HMG20B: variants seen among roughly 807,000 people sequenced by gnomAD.
HMG20B encodes the protein high mobility group 20B, also known as SWI/SNF-related matrix-associated actin-dependent regulator of chromatin subfamily E member 1-related.
Under a neutral mutation model 41.6 loss-of-function variants are expected in HMG20B, and 24 were observed. The observed-to-expected ratio is 0.58, with a 90% CI of 0.42 to 0.81. HMG20B has a LOEUF of 0.81. Among genes scored for constraint, HMG20B ranks in the 30% least tolerant of loss-of-function variants. The pLI is 0.00. For missense variants in HMG20B, 461 were observed against 444.0 expected (o/e 1.04, Z -0.34); for synonymous variants, 251 against 186.6 (o/e 1.34, Z -2.81).
intron 3 of HMG20B, 74 bp from the exon 4 acceptor site, chr19:3,574,309 C>A: frequency 2.6e-6 from 2 of 767,814 alleles, no homozygotes; most frequent in Non-Finnish European, 4.0e-6. Context: ...ACGCGTTAGG[C>A]CCCGCCCATG....
chr19:3,576,062 A>G (rs1280786110), intron 5 of HMG20B, 199 bp from the exon 6 acceptor site: 2 of 606,414 alleles, frequency 3.3e-6, no homozygotes, highest in Non-Finnish European at 5.9e-6. Flanking sequence ...CGTGGGGCAC[A>G]GTCCCGTGGG....
chr19:3,578,466 A>T lies in HMG20B; in HGVS notation c.942-43A>T, dbSNP rs1306330566. The T allele has an allele frequency of 4.0e-6, 6 of 1,492,648 alleles. No homozygotes were observed. In the African/African-American group the frequency reaches 7.0e-5, roughly 18 times the overall value. 92.5% of individuals were successfully genotyped at this position (1,492,648 alleles called of 1,614,324 possible). A position where few individuals can be genotyped will look rare whatever the true frequency, so the allele number is the denominator to read the frequency against. On this transcript the variant is annotated intron_variant, in intron 9 of 9. Transcript: ENST00000333651. ...TCCCCAGGGCCGGGGTGGGGGCCAG[A>T]GATGATGAGGGCCTCATCCCGGGCC...
At chr19:3,574,715 CTT>C (rs142748294) in intron 4 of HMG20B, 129 bp downstream of exon 4, 95,008 of 562,068 alleles carry the variant, frequency 0.17, 5,972 homozygotes, top group South Asian at 0.3. Context: ...CCATAACCAA[CTT>C]TTTTTTTTTT....
chr19:3,573,812 T>C lies in HMG20B; in HGVS notation c.147+12T>C. 1 of 1,587,010 alleles carries C rather than the reference T, an allele frequency of 6.3e-7. No homozygotes were observed. The highest frequency in any genetic ancestry group is 2.3e-5 in the East Asian group (1 of 43,858). On this transcript the variant is annotated intron_variant, in intron 3 of 9. Transcript: ENST00000333651. ...CCCACGAGGAGGAGGTGAGAGTCCC[T>C]GCGCTGAGCTGGGGGAGGCCCCGGG...
Position 3,576,628 on chromosome 19 carries a change from G to C in HMG20B, c.592+3G>C. 6.2e-7 allele frequency: 1 copy of C among 1,611,976 alleles called. No individual in the cohort carries two copies. The highest frequency in any genetic ancestry group is 8.5e-7 in the Non-Finnish European group (1 of 1,178,670). On this transcript the variant is annotated splice_donor_region_variant and intron_variant, in intron 7 of 9. Coordinates refer to ENST00000333651, the MANE Select transcript of HMG20B (RefSeq NM_006339.3). ...AGAGTTCTTGGACCAAAACAAAGGT[G>C]AGCGGTAACTGCGCTCCTGATGCGA...
In HMG20B at chr19:3,577,035, C is replaced by G. The variant is rs2032177754; in HGVS notation, c.736C>G (p.Leu246Val). Reference sequence around the variant, plus strand: ...GCTGGCGCTGGAGGAGCGGAGGACGCTGGCGCTGCAGCAGCAGCTCCAGGC... The same window carrying G: ...GCTGGCGCTGGAGGAGCGGAGGACGGTGGCGCTGCAGCAGCAGCTCCAGGC... Reference protein sequence around the residue: ...QELALEERRTLALQQQLQAVR... With the variant: ...QELALEERRTVALQQQLQAVR... Residue 246 changes from leucine to valine, a missense_variant, in exon 8 of 10, where the codon CTG (leucine) becomes GTG (valine). Leu to Val is a conservative substitution (Grantham distance 32). This residue lies in a region of HMG20B where 308 missense variants were observed against 283.4 expected (regional missense o/e 1.09). Transcript: ENST00000333651. 1 of 1,549,716 alleles carries G rather than the reference C, an allele frequency of 6.5e-7. No homozygotes were observed. The highest frequency in any genetic ancestry group is 8.7e-7 in the Non-Finnish European group (1 of 1,147,826).
At position 3,578,682 on chromosome 19, in the gene HMG20B, T is replaced by C; in HGVS notation, c.*161T>C. ...AAAATTAAATTTCTGCAGCATCCCT[T>C]TAGCTTTCAATCTCCCCAGCCCCCT... is the stretch of plus-strand genomic sequence containing the variant. On this transcript the variant is annotated 3_prime_UTR_variant, in exon 10 of 10. Coordinates refer to ENST00000333651, the MANE Select transcript of HMG20B (RefSeq NM_006339.3). The C allele has an allele frequency of 1.0e-6, 1 of 953,718 alleles. No individual in the cohort carries two copies. Among genetic ancestry groups the C allele is most frequent in the Middle Eastern group, 2.0e-4 (1 of 4,888 alleles). 59.1% of individuals were successfully genotyped at this position (953,718 alleles called of 1,614,324 possible).
At chr19:3,576,815 G>C (rs1262715398) in intron 7 of HMG20B, 77 bp from the exon 8 acceptor site, 3 of 1,485,164 alleles carry the variant, frequency 2.0e-6, no homozygotes, top group Non-Finnish European at 2.7e-6. Context: ...AACCTGGGCA[G>C]GGGCACGTCC....
At chr19:3,576,681 G>C in intron 7 of HMG20B, 56 bp downstream of exon 7, 1 of 1,516,646 alleles carries the variant, frequency 6.6e-7, no homozygotes, top group East Asian at 2.3e-5. Context: ...GGTAGAGGGG[G>C]GCGTGGGCCA....
chr19:3,574,496 G>T lies in HMG20B; in HGVS notation c.261G>T (p.Gln87His). 1 of 1,607,432 alleles carries T rather than the reference G, an allele frequency of 6.2e-7. No individual in the cohort carries two copies. Among genetic ancestry groups the T allele is most frequent in the Non-Finnish European group, 8.5e-7 (1 of 1,177,878 alleles). The part of the protein sequence containing the change: ...YVRFLNERRE[Q>H]IRTRHPDLPF... The stretch of plus-strand genomic sequence containing the variant: ...GCTTCCTGAACGAGCGGCGCGAGCA[G>T]ATCCGCACGCGCCACCCGGATCTGC... The change falls in exon 4 of 10, where the codon CAG (glutamine) becomes CAT (histidine). Residue 87 changes from glutamine (Q) to histidine (H), a missense_variant. Gln to His is a conservative substitution (Grantham distance 24, BLOSUM62 0). Transcript: ENST00000333651.
At position 3,574,587 on chromosome 19, in the gene HMG20B, G is replaced by T; in HGVS notation, c.351+1G>T. The T allele has an allele frequency of 6.3e-7, 1 of 1,591,788 alleles. No homozygotes were observed. The stretch of plus-strand genomic sequence containing the variant: ...CAAGCTGCAGCCAACGGAAAAGCAG[G>T]TGGGCGGGGCGGGGCGCCGAGCAGG... On this transcript the variant is annotated splice_donor_variant, in intron 4 of 9. Transcript: ENST00000333651. LOFTEE classifies it high-confidence loss of function.
intron 4 of HMG20B, among the ~76,000 whole-genome samples, chr19:3,574,914 T>C (rs2032126441): frequency 6.6e-6 from 1 of 152,168 alleles, no homozygotes. Context: ...AAATGGGGTT[T>C]CGCCATGTTG....
Position 3,577,100 on chromosome 19 carries a change from G to T in HMG20B, c.801G>T (p.Pro267=), listed in dbSNP as rs17849851. 1 of 1,530,942 alleles carries T rather than the reference G, an allele frequency of 6.5e-7. No individual in the cohort carries two copies. Among genetic ancestry groups the T allele is most frequent in the Non-Finnish European group, 8.8e-7 (1 of 1,142,606 alleles). The allele number at this position is 1,530,942 out of a possible 1,614,324, so 94.8% of individuals were successfully genotyped here. A position where few individuals can be genotyped will look rare whatever the true frequency, so the allele number is the denominator to read the frequency against. The change falls in exon 8 of 10, where the codon CCG becomes CCT. Residue 267 remains proline, a synonymous_variant. Coordinates refer to ENST00000333651, the MANE Select transcript of HMG20B (RefSeq NM_006339.3). ...TCACCGCCAGCTTCGCCTCACTGCC[G>T]GTGCCGGGTGCGGGCCACGCCCATC... ...QALTASFASL[P]VPGTGETPTL...
rs1338747106 is a variant in HMG20B, at chr19:3,577,065, C to A, written c.766C>A (p.Arg256Ser). ...LALQQQLQAV[R>S]QALTASFASL... ...GCTGCAGCAGCAGCTCCAGGCCGTG[C>A]GCCAGGCGCTCACCGCCAGCTTCGC... Residue 256 changes from arginine (R) to serine (S), a missense_variant, in exon 8 of 10, where the codon CGC becomes AGC. By Grantham distance (110) the Arg-to-Ser change is moderately radical. Transcript: ENST00000333651. 1 of 1,543,014 alleles carries A rather than the reference C, an allele frequency of 6.5e-7. No individual in the cohort carries two copies. The highest frequency in any genetic ancestry group is 2.0e-5 in the Admixed American group (1 of 50,850).
rs1291994975 is a variant in HMG20B, at chr19:3,576,523, G to T, written c.520-30G>T. 7.5e-6 allele frequency: 12 copies of T among 1,601,046 alleles called. No individual in the cohort carries two copies. In the South Asian group the frequency reaches 1.3e-4, roughly 18 times the overall value. ...AGAGCGTGGCTGCCTCCTACCACCA[G>T]TAAATTGCCACCTTGTCCCTTCGTC... On this transcript the variant is annotated intron_variant, in intron 6 of 9. Coordinates refer to ENST00000333651, the MANE Select transcript of HMG20B (RefSeq NM_006339.3).
chr19:3,578,914 C>T lies in HMG20B; in HGVS notation c.*393C>T, dbSNP rs1048469498. On this transcript the variant is annotated 3_prime_UTR_variant, in exon 10 of 10. Transcript: ENST00000333651. ...GTGCCATAGGCCACACAGGAAGCTGCCTTGTGGGGACTTACCTGGGGTGTC... is the reference window on the plus strand; with the variant it reads ...GTGCCATAGGCCACACAGGAAGCTGTCTTGTGGGGACTTACCTGGGGTGTC... The T allele has an allele frequency of 6.6e-5, 32 of 484,614 alleles. No individual in the cohort carries two copies. Among genetic ancestry groups the T allele is most frequent in the Non-Finnish European group, 1.1e-4 (28 of 248,640 alleles). The allele number at this position is 484,614 out of a possible 1,614,324, so 30.0% of individuals were successfully genotyped here.
chr19:3,578,183 G>A (rs1273421231), intron 9 of HMG20B, 70 bp downstream of exon 9: 4 of 1,566,026 alleles, frequency 2.6e-6, no homozygotes, highest in Admixed American at 1.8e-5. Context: ...GGGTTCCCCA[G>A]GTCCGCGAGG....
intron 6 of HMG20B, 76 bp from the exon 7 acceptor site, chr19:3,576,477 C>T: frequency 1.4e-6 from 2 of 1,449,584 alleles, no homozygotes; most frequent in Non-Finnish European, 1.9e-6. Flanking sequence ...GGAGACCCTC[C>T]TAGGCTTGGG....
At chr19:3,573,499 C>A in intron 2 of HMG20B, 152 bp downstream of exon 2, 1 of 949,936 alleles carries the variant, frequency 1.1e-6, no homozygotes, top group Non-Finnish European at 1.5e-6. Flanking sequence ...CACCCCCCAC[C>A]TCGGCCTCCA....
Sources: gnomAD v4.1 joint callset for allele counts (sites outside exome capture counted in the v4.1 genomes callset) on GRCh38, gnomAD v4.1.1 for gene constraint, gnomAD v4.1.1 regional missense constraint, MANE v1.5 for transcripts, NCBI Gene and HGNC (gene_info 2026-07-23, HGNC 2026-07-21) for gene names.